Variants in ELMOD2 observed in about 807,000 individuals in gnomAD.
The protein encoded by ELMOD2 is ELMO domain containing 2.
In ELMOD2, 28 loss-of-function variants were observed where a neutral mutation model predicts 41.0. The ratio of observed to expected loss-of-function variants is 0.68; its 90% CI spans 0.51 to 0.94. The LOEUF (loss-of-function observed/expected upper bound fraction) is 0.94. Ranked by LOEUF, ELMOD2 falls within the 40% of genes least tolerant of loss-of-function variation. The pLI is 0.00. For missense variants in ELMOD2, 333 were observed against 343.1 expected, an observed-to-expected ratio of 0.97 and a Z score of 0.23; for synonymous variants, 106 against 107.2, an observed-to-expected ratio of 0.99 and a Z score of 0.07.
chr4:140,542,715 G>T, intron 7 of ELMOD2, 73 bp downstream of exon 7: 4 of 1,044,108 alleles, frequency 3.8e-6, no homozygotes, highest in East Asian at 5.1e-5. Context: ...GAATTTGAAG[G>T]TATATCAAGG....
chr4:140,549,839 C>T (rs552121954), intron 8 of ELMOD2, among the ~76,000 whole-genome samples: 1 of 151,858 alleles, frequency 6.6e-6, no homozygotes, highest in African/African-American at 2.4e-5. Flanking sequence ...GCGCATGCCA[C>T]CATGCCTGGC....
chr4:140,531,449 A>G (rs561345615), intron 3 of ELMOD2, among the ~76,000 whole-genome samples: 2 of 152,238 alleles, frequency 1.3e-5, no homozygotes, highest in South Asian at 4.1e-4. Context: ...GCAATATATG[A>G]CAATGGAGCA....
Position 140,537,443 on chromosome 4 carries a change from C to T in ELMOD2, c.301C>T (p.Gln101Ter). ...AATATGCATGAAGATGTGCTTACTGCAGATAACTGGTTATAAACAGCTGTA... is the reference window on the plus strand; with the variant it reads ...AATATGCATGAAGATGTGCTTACTGTAGATAACTGGTTATAAACAGCTGTA... ...FKICMKMCLLQITGYKQLYLD... is the reference protein window; with the variant it reads ...FKICMKMCLL The change falls in exon 5 of 9, where the codon CAG becomes TAG. Residue 101 changes from glutamine (Q) to a stop codon, truncating the protein, a stop_gained. Transcript: ENST00000323570. LOFTEE classifies it high-confidence loss of function. 6.4e-7 allele frequency: 1 copy of T among 1,553,596 alleles called. No individual in the cohort carries two copies. Among genetic ancestry groups the T allele is most frequent in the Non-Finnish European group, 8.6e-7 (1 of 1,156,258 alleles).
chr4:140,544,657 C>T (rs929256791), intron 8 of ELMOD2, among the ~76,000 whole-genome samples: 6 of 152,050 alleles, frequency 3.9e-5, no homozygotes, highest in Non-Finnish European at 7.4e-5. Flanking sequence ...CAGCCCCCCT[C>T]TCACCCCCAC....
chr4:140,533,424 A>G lies in ELMOD2; in HGVS notation c.172-2309A>G, dbSNP rs181114968. 5.9e-5 allele frequency among the ~76,000 whole-genome samples: 9 copies of G among 152,304 alleles called. No homozygotes were observed. In the East Asian group the frequency reaches 1.3e-3, roughly 23 times the overall value. On this transcript the variant is annotated intron_variant, in intron 3 of 8. Transcript: ENST00000323570. ...CAATGAGGAGAAGAAAGTCTTTTCA[A>G]TAAATAGTGCTGGAACAACTGGGTA...
chr4:140,535,297 T>C (rs1221841746), intron 3 of ELMOD2: 1 of 159,896 alleles, frequency 6.3e-6, no homozygotes, highest in Non-Finnish European at 1.4e-5. Context: ...GTTTTCAAAT[T>C]TGATCTGATT....
At chr4:140,538,606 G>C (rs1578766738) in intron 5 of ELMOD2, among the ~76,000 whole-genome samples, 1 of 152,118 alleles carries the variant, frequency 6.6e-6, no homozygotes, top group East Asian at 1.9e-4. Flanking sequence ...TTCATGTTAG[G>C]CCCTTGCTAC....
intron 3 of ELMOD2, among the ~76,000 whole-genome samples, chr4:140,529,861 G>C (rs1205467024): frequency 6.6e-6 from 1 of 151,996 alleles, no homozygotes; most frequent in Non-Finnish European, 1.5e-5. Flanking sequence ...TTTCACCATA[G>C]CACAGACCAT....
chr4:140,537,934 T>A (rs925158307), intron 5 of ELMOD2, among the ~76,000 whole-genome samples: 1 of 152,134 alleles, frequency 6.6e-6, no homozygotes, highest in Non-Finnish European at 1.5e-5. Flanking sequence ...TTTTTTCAGC[T>A]ACTTACAAGT....
Position 140,550,510 on chromosome 4 carries a change from GAAAGCTAGTGGA to G in ELMOD2, c.*136_*147del. Reference sequence around the variant, plus strand: ...AAAATATTTCAGAAATTCTATTTAAGAAAGCTAGTGGACAATCAGTGTATGTTTACAATTGTT... The same window carrying G: ...AAAATATTTCAGAAATTCTATTTAAGCAATCAGTGTATGTTTACAATTGTT... On this transcript the variant is annotated 3_prime_UTR_variant, in exon 9 of 9. Coordinates refer to ENST00000323570, the MANE Select transcript of ELMOD2 (RefSeq NM_153702.4). 1 of 889,958 alleles carries G rather than the reference GAAAGCTAGTGGA, an allele frequency of 1.1e-6. No individual in the cohort carries two copies. The highest frequency in any genetic ancestry group is 1.6e-6 in the Non-Finnish European group (1 of 624,278). 55.1% of individuals were successfully genotyped at this position (889,958 alleles called of 1,614,324 possible). A position where few individuals can be genotyped will look rare whatever the true frequency, so the allele number is the denominator to read the frequency against.
Position 140,550,366 on chromosome 4 carries a change from A to G in ELMOD2, c.873A>G (p.Leu291=). ...LLLDCNVALT[L]KV ...TGGATTGTAATGTAGCACTTACTTTAAAAGTATAAATCATCCACTGTATCT... is the reference window on the plus strand; with the variant it reads ...TGGATTGTAATGTAGCACTTACTTTGAAAGTATAAATCATCCACTGTATCT... Residue 291 remains leucine (L), a synonymous_variant, in exon 9 of 9, where the codon TTA becomes TTG. Transcript: ENST00000323570. 1 of 1,601,368 alleles carries G rather than the reference A, an allele frequency of 6.2e-7. No homozygotes were observed. Among genetic ancestry groups the G allele is most frequent in the South Asian group, 1.1e-5 (1 of 88,316 alleles).
chr4:140,547,320 A>G (rs1287598270), intron 8 of ELMOD2, among the ~76,000 whole-genome samples: 1 of 152,132 alleles, frequency 6.6e-6, no homozygotes, highest in Admixed American at 6.6e-5. Context: ...AAGGGCTGGA[A>G]ACGTTTGTAG....
chr4:140,532,336 T>C (rs1734778811), intron 3 of ELMOD2, among the ~76,000 whole-genome samples: 1 of 151,980 alleles, frequency 6.6e-6, no homozygotes, highest in African/African-American at 2.4e-5. Flanking sequence ...CTGGCTAATT[T>C]TTGTATTTTT....
At position 140,525,240 on chromosome 4, in the gene ELMOD2, CAATT is replaced by C. The variant is rs1258670404; in HGVS notation, c.-9-176_-9-173del. 8 of 506,534 alleles carry C rather than the reference CAATT, an allele frequency of 1.6e-5. No homozygotes were observed. In the Admixed American group the frequency reaches 3.2e-4, roughly 20 times the overall value. The allele number at this position is 506,534 out of a possible 1,614,324, so 31.4% of individuals were successfully genotyped here. On this transcript the variant is annotated intron_variant, in intron 1 of 8. Transcript: ENST00000323570. The stretch of plus-strand genomic sequence containing the variant: ...AGTGATTAATTGGCCATTTGATCAT[CAATT>C]AATAGCGGTATATATTACACCTGCC...
At chr4:140,547,461 C>T (rs1288664028) in intron 8 of ELMOD2, among the ~76,000 whole-genome samples, 2 of 151,982 alleles carry the variant, frequency 1.3e-5, no homozygotes, top group African/African-American at 2.4e-5. Flanking sequence ...TTGTATATTC[C>T]GGTCTAGGAT....
intron 3 of ELMOD2, among the ~76,000 whole-genome samples, chr4:140,534,599 T>G (rs1241586436): frequency 6.6e-6 from 1 of 152,184 alleles, no homozygotes. Flanking sequence ...GCTTAGAAAC[T>G]AGATGTGGTT....
intron 3 of ELMOD2, among the ~76,000 whole-genome samples, chr4:140,528,380 G>A (rs1247050401): frequency 2.6e-5 from 4 of 152,032 alleles, no homozygotes; most frequent in Non-Finnish European, 4.4e-5. Context: ...GATAGAATAC[G>A]GGTCATCTAG....
In ELMOD2 at chr4:140,543,017, G is replaced by A. The variant is rs988682433; in HGVS notation, c.602+375G>A. Among the ~76,000 whole-genome samples, 5 of 151,966 alleles carry A rather than the reference G, an allele frequency of 3.3e-5. No individual in the cohort carries two copies. The East Asian group carries it at 9.6e-4, about 29-fold the overall frequency. On this transcript the variant is annotated intron_variant, in intron 7 of 8. Coordinates refer to ENST00000323570, the MANE Select transcript of ELMOD2 (RefSeq NM_153702.4). ...CTGAGGTGGTTTTATTAGCTTTACC[G>A]TTATTTTTAAAAATATTCTGATGGT...
intron 8 of ELMOD2, among the ~76,000 whole-genome samples, 165 bp downstream of exon 8, chr4:140,543,751 G>A (rs561803357): frequency 2.6e-4 from 39 of 151,962 alleles, no homozygotes; most frequent in African/African-American, 9.4e-4. Context: ...TGGAAGATGG[G>A]TCCCCAAGAG....
Sources: gnomAD v4.1 joint callset for allele counts (sites outside exome capture counted in the v4.1 genomes callset) on GRCh38, gnomAD v4.1.1 for gene constraint, MANE v1.5 for transcripts, NCBI Gene and HGNC (gene_info 2026-07-23, HGNC 2026-07-21) for gene names.